The following NRXN3 variants were observed in gnomAD, a reference collection of about 807,000 sequenced individuals.
NRXN3 encodes neurexin III.
Under a neutral mutation model 137.6 loss-of-function variants are expected in NRXN3, and 32 were observed. The observed-to-expected ratio is 0.23, with a 90% CI of 0.18 to 0.31. The LOEUF is 0.31. NRXN3 is among the 10% of genes least tolerant of loss of function. The pLI, the probability that NRXN3 is intolerant of heterozygous loss-of-function variation, is 1.00. For missense variants in NRXN3, 1,574 were observed against 2,062.5 expected (o/e 0.76, Z 4.59); for synonymous variants, 798 against 784.5 (o/e 1.02, Z -0.29).
chr14:78,978,751 T>C (rs2099479192), intron 14 of NRXN3, among the ~76,000 whole-genome samples: 2 of 147,844 alleles, frequency 1.4e-5, no homozygotes, highest in Admixed American at 6.8e-5. Context: ...GATATATACA[T>C]CTTATATATA....
At chr14:79,284,343 CATATATATATATATATAT>C (rs60596302) in intron 15 of NRXN3, among the ~76,000 whole-genome samples, 1,538 of 65,128 alleles carry the variant, frequency 0.024, 81 homozygotes, top group African/African-American at 0.071. Context: ...ACTAAAAATA[CATATATATATATATATAT>C]ATATATATAT....
At chr14:78,685,374 G>A (rs575574242) in intron 6 of NRXN3, among the ~76,000 whole-genome samples, 1 of 152,076 alleles carries the variant, frequency 6.6e-6, no homozygotes, top group Non-Finnish European at 1.5e-5. Context: ...CTCAGAATCA[G>A]AGCTCAAGTT....
At chr14:78,779,142 T>C (rs2098759295) in intron 8 of NRXN3, among the ~76,000 whole-genome samples, 1 of 152,034 alleles carries the variant, frequency 6.6e-6, no homozygotes, top group African/African-American at 2.4e-5. Flanking sequence ...GATGGACATA[T>C]CAGCAAATTT....
At chr14:79,002,011 GT>G (rs1222593135) in intron 15 of NRXN3, among the ~76,000 whole-genome samples, 3 of 152,128 alleles carry the variant, frequency 2.0e-5, no homozygotes, top group Admixed American at 6.5e-5. Context: ...TATCATTTTT[GT>G]TGTGTATTCA....
chr14:78,988,737 C>A (rs1381013572), intron 15 of NRXN3, among the ~76,000 whole-genome samples: 1 of 151,538 alleles, frequency 6.6e-6, no homozygotes, highest in Non-Finnish European at 1.5e-5. Flanking sequence ...GGTTTATATA[C>A]ACATAGCTAT....
At position 79,643,703 on chromosome 14, in the gene NRXN3, G is replaced by T. The variant is rs1488708908; in HGVS notation, c.3445-20075G>T. On this transcript the variant is annotated intron_variant, in intron 16 of 20. Transcript: ENST00000335750. ...TCTTTTAATTACTGCTTTTTGCTGT[G>T]CTGGTCCCACTGCTTAGAATGTTAT... Among the ~76,000 whole-genome samples, 5 of 134,218 alleles carry T rather than the reference G, an allele frequency of 3.7e-5. 1 individual carries two copies. Among genetic ancestry groups the T allele is most frequent in the Non-Finnish European group, 6.9e-5 (4 of 57,810 alleles). The allele number at this position is 134,218 out of a possible 152,430, so 88.1% of individuals were successfully genotyped here. A position where few individuals can be genotyped will look rare whatever the true frequency, so the allele number is the denominator to read the frequency against.
At chr14:78,619,986 A>G (rs1395748459) in intron 4 of NRXN3, among the ~76,000 whole-genome samples, 1 of 152,178 alleles carries the variant, frequency 6.6e-6, no homozygotes, top group Non-Finnish European at 1.5e-5. Flanking sequence ...TTGATCTTGG[A>G]CTTCCTAGCC....
chr14:79,346,201 C>T (rs1161545418), intron 15 of NRXN3, among the ~76,000 whole-genome samples: 2 of 152,168 alleles, frequency 1.3e-5, no homozygotes, highest in South Asian at 2.1e-4. Context: ...GGGTGGATTA[C>T]CTGAGGTCAG....
chr14:79,303,249 C>G (rs76250440), intron 15 of NRXN3, among the ~76,000 whole-genome samples: 2,367 of 152,110 alleles, frequency 0.016, 21 homozygotes, highest in East Asian at 0.041. Context: ...TTTGGAAAGT[C>G]TTCTTAGTTA....
intron 4 of NRXN3, among the ~76,000 whole-genome samples, chr14:78,334,207 TGAG>T (rs2081187220): frequency 6.6e-6 from 1 of 152,088 alleles, no homozygotes; most frequent in South Asian, 2.1e-4. Context: ...GAGGAGATAT[TGAG>T]GAAGCGGTTG....
intron 15 of NRXN3, among the ~76,000 whole-genome samples, chr14:79,258,108 C>G (rs1295620825): frequency 6.6e-6 from 1 of 152,126 alleles, no homozygotes; most frequent in East Asian, 1.9e-4. Context: ...AGAATTTCCC[C>G]ACCAGTTCAA....
At chr14:78,496,736 T>A (rs545554753) in intron 4 of NRXN3, among the ~76,000 whole-genome samples, 1 of 151,966 alleles carries the variant, frequency 6.6e-6, no homozygotes, top group East Asian at 2.0e-4. Context: ...AGTAGGAGGA[T>A]AGGTGAATCC....
intron 6 of NRXN3, among the ~76,000 whole-genome samples, chr14:78,687,681 CA>C (rs1431647897): frequency 4.6e-5 from 7 of 152,134 alleles, no homozygotes; most frequent in African/African-American, 1.7e-4. Flanking sequence ...CATGGGATGG[CA>C]GGGTAACCAC....
intron 15 of NRXN3, among the ~76,000 whole-genome samples, chr14:79,331,408 C>T (rs900285624): frequency 1.3e-5 from 2 of 152,106 alleles, no homozygotes; most frequent in Admixed American, 6.6e-5. Flanking sequence ...CACCTATAAA[C>T]CCAGAAAAAT....
chr14:79,495,737 A>C (rs2096759917), intron 16 of NRXN3, among the ~76,000 whole-genome samples: 1 of 152,100 alleles, frequency 6.6e-6, no homozygotes, highest in African/African-American at 2.4e-5. Context: ...CTAGTAATTG[A>C]ATAATCTTCC....
chr14:78,624,033 A>G (rs956413957), intron 4 of NRXN3, among the ~76,000 whole-genome samples: 31 of 152,236 alleles, frequency 2.0e-4, no homozygotes, highest in Admixed American at 1.9e-3. Flanking sequence ...TACCCAATGA[A>G]CATGATGACT....
At chr14:78,205,272 T>C (rs975655258) in intron 1 of NRXN3, among the ~76,000 whole-genome samples, 2 of 152,242 alleles carry the variant, frequency 1.3e-5, no homozygotes, top group Non-Finnish European at 2.9e-5. Context: ...TGCCAATCCC[T>C]TTACCTACTG....
chr14:79,527,763 TG>T (rs2097133989), intron 16 of NRXN3, among the ~76,000 whole-genome samples: 1 of 149,466 alleles, frequency 6.7e-6, no homozygotes, highest in African/African-American at 2.5e-5. Context: ...CCCAGCTACT[TG>T]GGAGGTTGAG....
At chr14:79,390,724 ATTTATT>A (rs1303223175) in intron 15 of NRXN3, among the ~76,000 whole-genome samples, 1 of 152,124 alleles carries the variant, frequency 6.6e-6, no homozygotes, top group African/African-American at 2.4e-5. Context: ...GTGCACATAC[ATTTATT>A]TTTAATCAAC....
Sources: gnomAD v4.1 joint callset for allele counts (sites outside exome capture counted in the v4.1 genomes callset) on GRCh38, gnomAD v4.1.1 for gene constraint, MANE v1.5 for transcripts, NCBI Gene and HGNC (gene_info 2026-07-23, HGNC 2026-07-21) for gene names.